SNX29: variants seen among roughly 807,000 people sequenced by gnomAD.
SNX29 encodes the protein sorting nexin 29, also known as sorting nexin-29.
SNX29 carries 78 observed loss-of-function variants against 102.1 expected under a neutral mutation model. The observed-to-expected ratio is 0.76, with a 90% CI of 0.64 to 0.92. The LOEUF is 0.92. Among genes scored for constraint, SNX29 ranks in the 40% least tolerant of loss-of-function variants. SNX29 has a pLI of 0.00. For synonymous variants in SNX29, 580 were observed against 414.5 expected (o/e 1.40, Z -4.85); for missense variants, 1,280 against 1,061.7 (o/e 1.21, Z -2.86).
intron 19 of SNX29, among the ~76,000 whole-genome samples, chr16:12,506,376 C>T (rs2089380065): frequency 6.6e-6 from 1 of 152,166 alleles, no homozygotes; most frequent in African/African-American, 2.4e-5. Flanking sequence ...ACTCTGTCCC[C>T]AACTACTTGG....
chr16:12,506,583 C>G (rs536064301), intron 19 of SNX29, among the ~76,000 whole-genome samples: 4 of 152,294 alleles, frequency 2.6e-5, no homozygotes, highest in African/African-American at 9.6e-5. Flanking sequence ...AGGCTTTTGG[C>G]TATTTGATTG....
chr16:12,499,850 A>AT (rs912191220), intron 19 of SNX29, among the ~76,000 whole-genome samples: 1 of 151,642 alleles, frequency 6.6e-6, no homozygotes, highest in African/African-American at 2.4e-5. Flanking sequence ...TAATTTTTGT[A>AT]TTTTTTTGTA....
At chr16:12,526,622 C>G (rs558659530) in intron 20 of SNX29, 21 of 533,198 alleles carry the variant, frequency 3.9e-5, no homozygotes, top group Admixed American at 2.0e-4. Flanking sequence ...AGCGGCATCC[C>G]CATGGCCCAG....
chr16:12,030,513 G>A (rs920278824), intron 4 of SNX29, among the ~76,000 whole-genome samples: 2 of 152,136 alleles, frequency 1.3e-5, no homozygotes, highest in African/African-American at 2.4e-5. Context: ...CCCACAAAGA[G>A]CATTGTTTTC....
intron 15 of SNX29, among the ~76,000 whole-genome samples, chr16:12,303,864 C>G (rs114223284): frequency 1.3e-5 from 2 of 152,184 alleles, no homozygotes; most frequent in Non-Finnish European, 2.9e-5. Flanking sequence ...TTGAGAATGA[C>G]GTGCACCTTC....
chr16:12,413,745 CCCTGCCCCGCACTT>C (rs1174401838), intron 18 of SNX29, among the ~76,000 whole-genome samples: 2 of 152,214 alleles, frequency 1.3e-5, no homozygotes, highest in African/African-American at 4.8e-5. Context: ...ACGCCAGGCG[CCCTGCCCCGCACTT>C]CCTGCATCAG....
chr16:12,122,594 G>A (rs989728905), intron 11 of SNX29, among the ~76,000 whole-genome samples: 2 of 152,124 alleles, frequency 1.3e-5, no homozygotes, highest in Non-Finnish European at 2.9e-5. Context: ...AGGAGAGTGT[G>A]TTCAGTATGG....
At chr16:12,015,070 A>G (rs554380554) in intron 3 of SNX29, among the ~76,000 whole-genome samples, 17 of 152,076 alleles carry the variant, frequency 1.1e-4, no homozygotes, top group South Asian at 4.1e-4. Flanking sequence ...TATTTGTTCT[A>G]TATTTTTCCA....
At chr16:12,304,355 C>G (rs539553474) in intron 15 of SNX29, among the ~76,000 whole-genome samples, 5 of 152,348 alleles carry the variant, frequency 3.3e-5, no homozygotes, top group South Asian at 4.1e-4. Flanking sequence ...TCACTGCAGC[C>G]TCTGCCTCCC....
chr16:12,551,475 C>G (rs1007075599), intron 20 of SNX29, among the ~76,000 whole-genome samples: 6 of 152,192 alleles, frequency 3.9e-5, no homozygotes, highest in African/African-American at 1.2e-4. Context: ...CAGGCCCTGC[C>G]TGGTTAATGC....
chr16:11,988,174 A>C (rs980674403), intron 1 of SNX29, among the ~76,000 whole-genome samples: 3 of 151,898 alleles, frequency 2.0e-5, no homozygotes, highest in African/African-American at 7.3e-5. Context: ...GGTGCCTGTA[A>C]TCCCAGCTAC....
At chr16:12,263,918 G>C (rs1162774528) in intron 14 of SNX29, among the ~76,000 whole-genome samples, 4 of 152,182 alleles carry the variant, frequency 2.6e-5, no homozygotes, top group Non-Finnish European at 5.9e-5. Context: ...TCTAATCTAG[G>C]TAGACGGTCA....
At chr16:12,200,317 T>G (rs2076882039) in intron 14 of SNX29, among the ~76,000 whole-genome samples, 1 of 152,166 alleles carries the variant, frequency 6.6e-6, no homozygotes. Flanking sequence ...ATCTGCTGCT[T>G]CTAAAATCTC....
intron 19 of SNX29, among the ~76,000 whole-genome samples, chr16:12,479,027 G>T (rs1470113024): frequency 6.6e-6 from 1 of 152,220 alleles, no homozygotes; most frequent in South Asian, 2.1e-4. Flanking sequence ...TATTGAGCAT[G>T]ATCTCTCTGC....
chr16:12,556,934 C>T (rs2078394388), intron 20 of SNX29, among the ~76,000 whole-genome samples: 1 of 51,060 alleles, frequency 2.0e-5, no homozygotes, highest in Non-Finnish European at 4.5e-5. Context: ...CTCACTACAG[C>T]CTCTGCCGCT....
intron 19 of SNX29, among the ~76,000 whole-genome samples, chr16:12,482,962 A>G (rs1026161372): frequency 6.6e-6 from 1 of 152,170 alleles, no homozygotes; most frequent in Non-Finnish European, 1.5e-5. Context: ...CAGGATACCC[A>G]GAGCTCTCCC....
intron 19 of SNX29, among the ~76,000 whole-genome samples, chr16:12,514,526 G>A (rs141583512): frequency 4.6e-5 from 7 of 152,268 alleles, no homozygotes; most frequent in African/African-American, 9.6e-5. Context: ...GGACCTGGGC[G>A]CCTCTGAGTA....
chr16:12,389,863 C>T (rs2083463188), intron 16 of SNX29, among the ~76,000 whole-genome samples: 1 of 152,200 alleles, frequency 6.6e-6, no homozygotes, highest in Non-Finnish European at 1.5e-5. Context: ...AGGGACCCAG[C>T]CACTGTAAGG....
intron 14 of SNX29, among the ~76,000 whole-genome samples, chr16:12,260,700 C>A (rs544909585): frequency 2.0e-5 from 3 of 151,900 alleles, no homozygotes; most frequent in African/African-American, 7.2e-5. Flanking sequence ...GTGCACGCGT[C>A]CCCGGCTGGA....
Sources: allele counts gnomAD v4.1 joint callset (sites outside exome capture counted in the v4.1 genomes callset), GRCh38; gene constraint gnomAD v4.1.1; transcripts MANE v1.5; gene names NCBI Gene and HGNC (gene_info 2026-07-23, HGNC 2026-07-21).